Variants in ANXA13 observed in about 807,000 individuals in gnomAD.
ANXA13 encodes annexin XIII.
ANXA13 carries 36 observed loss-of-function variants against 46.6 expected under a neutral mutation model. The observed-to-expected ratio is 0.77, with a 90% CI of 0.59 to 1.02. The LOEUF is 1.02. Ranked by LOEUF, ANXA13 falls within the 50% of genes least tolerant of loss-of-function variation. ANXA13 has a pLI of 0.00. For synonymous variants in ANXA13, 163 were observed against 152.9 expected, an observed-to-expected ratio of 1.07 and a Z score of -0.49; for missense variants, 417 against 396.5, an observed-to-expected ratio of 1.05 and a Z score of -0.44.
chr8:123,716,479 C>T (rs148474185), intron 1 of ANXA13, among the ~76,000 whole-genome samples: 18 of 152,226 alleles, frequency 1.2e-4, no homozygotes, highest in East Asian at 1.2e-3. Context: ...CTGTTAGCCA[C>T]GTTGGTTATC....
intron 1 of ANXA13, chr8:123,735,743 T>A (rs1476531064): frequency 6.9e-6 from 11 of 1,605,560 alleles, no homozygotes; most frequent in Non-Finnish European, 9.4e-6. Flanking sequence ...GGGGGGAAAA[T>A]AAAGTGCTTA....
At chr8:123,695,744 A>C (rs755888454) in intron 4 of ANXA13, 23 bp from the exon 5 acceptor site, 2 of 1,601,182 alleles carry the variant, frequency 1.2e-6, no homozygotes, top group Non-Finnish European at 1.7e-6. Context: ...ATTTACAAAA[A>C]AATCAATATT....
intron 1 of ANXA13, among the ~76,000 whole-genome samples, chr8:123,730,889 T>A (rs1814104551): frequency 6.6e-6 from 1 of 151,648 alleles, no homozygotes. Flanking sequence ...AATGGGGGAG[T>A]TCTCCGGGCT....
chr8:123,700,851 C>T (rs1162566754), intron 3 of ANXA13, among the ~76,000 whole-genome samples: 1 of 151,736 alleles, frequency 6.6e-6, no homozygotes, highest in African/African-American at 2.4e-5. Flanking sequence ...TCCACAGGGT[C>T]TCTCTCTGTC....
At chr8:123,683,663 T>C (rs530717488) in intron 10 of ANXA13, among the ~76,000 whole-genome samples, 2 of 149,664 alleles carry the variant, frequency 1.3e-5, no homozygotes, top group Non-Finnish European at 3.0e-5. Context: ...CTTGGCTCAC[T>C]GCAACCTCCA....
At chr8:123,735,763 G>A (rs1448229225) in intron 1 of ANXA13, 1 of 1,611,126 alleles carries the variant, frequency 6.2e-7, no homozygotes. Context: ...ACAGGCTGTG[G>A]GGCCTCTGGC....
At chr8:123,705,520 A>G (rs1162437754) in intron 2 of ANXA13, among the ~76,000 whole-genome samples, 6 of 152,176 alleles carry the variant, frequency 3.9e-5, no homozygotes, top group Admixed American at 3.3e-4. Context: ...GGCACAGCAC[A>G]CTATTTACAT....
chr8:123,709,383 A>C (rs1813610894), intron 2 of ANXA13, among the ~76,000 whole-genome samples: 83 of 111,272 alleles, frequency 7.5e-4, no homozygotes, highest in East Asian at 1.3e-3. Flanking sequence ...TCTCTCCTTC[A>C]CTCTCTCCCT....
intron 9 of ANXA13, among the ~76,000 whole-genome samples, chr8:123,685,736 T>C (rs1813130086): frequency 6.6e-6 from 1 of 152,148 alleles, no homozygotes; most frequent in Admixed American, 6.5e-5. Context: ...ACAGGCCATG[T>C]GGCAGCTGCC....
intron 1 of ANXA13, among the ~76,000 whole-genome samples, chr8:123,721,703 G>A (rs1270423071): frequency 6.6e-6 from 1 of 152,214 alleles, no homozygotes; most frequent in Non-Finnish European, 1.5e-5. Flanking sequence ...AGGGGCTAAA[G>A]TTCTAAGAGA....
chr8:123,698,731 G>C (rs999639099), intron 3 of ANXA13, among the ~76,000 whole-genome samples, 172 bp from the exon 4 acceptor site: 2 of 152,274 alleles, frequency 1.3e-5, no homozygotes, highest in Admixed American at 1.3e-4. Context: ...GCCCATCCAC[G>C]TTTCCCCAGG....
chr8:123,706,321 CCT>C (rs1199855157), intron 2 of ANXA13, among the ~76,000 whole-genome samples: 2 of 152,250 alleles, frequency 1.3e-5, no homozygotes, highest in African/African-American at 4.8e-5. Context: ...CTTGAGCCTA[CCT>C]CTTTCTTTCC....
chr8:123,725,529 C>T (rs4401839), intron 1 of ANXA13, among the ~76,000 whole-genome samples: 49,678 of 152,002 alleles, frequency 0.33, 9,126 homozygotes, highest in South Asian at 0.47. Context: ...AGAAAATATC[C>T]TGGTGACATT....
intron 9 of ANXA13, among the ~76,000 whole-genome samples, chr8:123,687,905 G>A (rs1813169381): frequency 6.6e-6 from 1 of 152,178 alleles, no homozygotes; most frequent in South Asian, 2.1e-4. Flanking sequence ...ACCTGGAGAG[G>A]AGGTCCTGGG....
intron 2 of ANXA13, 101 bp from the exon 3 acceptor site, chr8:123,702,837 T>C: frequency 9.7e-7 from 1 of 1,032,990 alleles, no homozygotes; most frequent in Non-Finnish European, 1.5e-6. Context: ...AGCTTAAAGG[T>C]GGTTGGAGGT....
Position 123,685,775 on chromosome 8 carries a change from C to T in ANXA13, c.719-1053G>A, listed in dbSNP as rs1206596352. On this transcript the variant is annotated intron_variant, in intron 9 of 10. Coordinates refer to ENST00000419625, the MANE Select transcript of ANXA13 (RefSeq NM_004306.4). ...GTTTCAGTGGAAAAGAAAATCGCAC[C>T]GGAAAAGAAACAATGTCTGGCCTCT... 6.6e-5 allele frequency among the ~76,000 whole-genome samples: 10 copies of T among 152,184 alleles called. No individual in the cohort carries two copies. In the South Asian group the frequency reaches 8.3e-4, roughly 13 times the overall value.
At chr8:123,729,266 T>C (rs1214900297) in intron 1 of ANXA13, 1 of 152,194 alleles carries the variant, frequency 6.6e-6, no homozygotes, top group Non-Finnish European at 1.5e-5. Flanking sequence ...TGCCTCCCTC[T>C]CACCAGCCCC....
chr8:123,731,861 C>T (rs1427844181), intron 1 of ANXA13, among the ~76,000 whole-genome samples: 3 of 152,052 alleles, frequency 2.0e-5, no homozygotes, highest in Non-Finnish European at 4.4e-5. Flanking sequence ...TGCCACAGAG[C>T]GAGATCCTGT....
At chr8:123,693,571 A>G (rs1463791979) in intron 7 of ANXA13, 140 bp downstream of exon 7, 5 of 764,512 alleles carry the variant, frequency 6.5e-6, no homozygotes, top group African/African-American at 3.5e-5. Context: ...GACTATATAT[A>G]TGATCTAGAA....
Sources: allele counts gnomAD v4.1 joint callset (sites outside exome capture counted in the v4.1 genomes callset), GRCh38; gene constraint gnomAD v4.1.1; transcripts MANE v1.5; gene names NCBI Gene and HGNC (gene_info 2026-07-23, HGNC 2026-07-21).